The following FAT2 variants were observed in gnomAD, a reference collection of about 807,000 sequenced individuals.
The protein encoded by FAT2 is protocadherin Fat 2.
In FAT2, 150 loss-of-function variants were observed where a neutral mutation model predicts 295.3. The observed-to-expected ratio is 0.51, with a 90% confidence interval of 0.44 to 0.58. The LOEUF is 0.58. FAT2 is among the 20% of genes least tolerant of loss of function. The probability of loss-of-function intolerance (pLI) is 0.00; values close to 1 mark genes in which losing one functional copy is unlikely to be tolerated. For synonymous variants in FAT2, 2,026 were observed against 2,150.3 expected, an observed-to-expected ratio of 0.94 and a Z score of 1.60; for missense variants, 4,868 against 5,442.7, an observed-to-expected ratio of 0.89 and a Z score of 3.32.
Position 151,545,626 on chromosome 5 carries a change from G to T in FAT2, c.5501C>A (p.Pro1834His), listed in dbSNP as rs754464552. ...IVSEMDYESM[P>H]SFQFCVYVHD... is the part of the protein sequence containing the mutation. ...GACATAGACACAGAATTGGAAAGAGGGCATGCTCTCATAATCCATCTCTGA... is the reference window on the plus strand; with the variant it reads ...GACATAGACACAGAATTGGAAAGAGTGCATGCTCTCATAATCCATCTCTGA... The change falls in exon 10 of 24, where the codon CCC becomes CAC. Residue 1834 changes from proline to histidine, a missense_variant. Pro to His is a moderately conservative substitution (Grantham distance 77). Coordinates refer to ENST00000261800, the MANE Select transcript of FAT2 (RefSeq NM_001447.3). 1 of 1,614,028 alleles carries T rather than the reference G, an allele frequency of 6.2e-7. No individual in the cohort carries two copies.
Position 151,546,340 on chromosome 5 carries a change from G to A in FAT2, c.4790-3C>T, listed in dbSNP as rs763667676. 2 of 1,606,746 alleles carry A rather than the reference G, an allele frequency of 1.2e-6. No individual in the cohort carries two copies. The highest frequency in any genetic ancestry group is 1.3e-5 in the African/African-American group (1 of 74,796). On this transcript the variant is annotated splice_polypyrimidine_tract_variant and splice_region_variant and intron_variant, in intron 9 of 23. Coordinates refer to ENST00000261800, the MANE Select transcript of FAT2 (RefSeq NM_001447.3). ...GTTGAAGAAACCTTCGCTGTTCCCT[G>A]AAACAGAAGACAAGACAAACAAGTT...
In FAT2 at chr5:151,521,831, T is replaced by C. The variant is rs749276350; in HGVS notation, c.10762A>G (p.Ile3588Val). 10 of 1,614,142 alleles carry C rather than the reference T, an allele frequency of 6.2e-6. No homozygotes were observed. The highest frequency in any genetic ancestry group is 7.6e-6 in the Non-Finnish European group (9 of 1,180,030). Residue 3588 changes from isoleucine (I) to valine (V), a missense_variant, in exon 19 of 24, where the codon ATC becomes GTC. By Grantham distance (29) the Ile-to-Val change is conservative. Around this residue, in one of 5 missense-constraint regions of FAT2, gnomAD observed 1,046 missense variants for 1,210.1 expected, o/e 0.86. Transcript: ENST00000261800. The stretch of plus-strand genomic sequence containing the variant: ...CCACGAGGCAGGCCCTGGGCGGCGA[T>C]AATCTTGCCATCAGGCGCACCCACT... ...FSVGAPDGKI[I>V]AAQGLPRGHY...
At chr5:151,540,009 G>A (rs556614281) in intron 11 of FAT2, among the ~76,000 whole-genome samples, 2 of 152,364 alleles carry the variant, frequency 1.3e-5, no homozygotes, top group South Asian at 2.1e-4. Flanking sequence ...GTTTGTCTGG[G>A]GTCAGGTCTC....
rs368657216 is a variant in FAT2, at chr5:151,553,311, C to A, written c.4022G>T (p.Arg1341Leu). ...RLHIEWIPWP[R>L]PSSIPLAFDE... is the part of the protein sequence containing the mutation. The stretch of plus-strand genomic sequence containing the variant: ...AAAGGCCAGAGGGATGGAGGACGGC[C>A]GGGGCCAAGGGATCCACTCAATGTG... The change falls in exon 6 of 24, where the codon CGG becomes CTG. Residue 1341 changes from arginine (R) to leucine (L), a missense_variant. Physicochemically the swap from Arg to Leu is moderately radical, Grantham distance 102. Transcript: ENST00000261800. The A allele has an allele frequency of 9.9e-6, 16 of 1,614,126 alleles. No individual in the cohort carries two copies. Among genetic ancestry groups the A allele is most frequent in the African/African-American group, 1.3e-5 (1 of 74,948 alleles).
chr5:151,525,531 T>C (rs547374573), intron 18 of FAT2, among the ~76,000 whole-genome samples: 10 of 152,038 alleles, frequency 6.6e-5, no homozygotes, highest in African/African-American at 2.4e-4. Context: ...AGTATTACTT[T>C]AAGCCAGTCA....
At position 151,510,118 on chromosome 5, in the gene FAT2, CCCTT is replaced by C. The variant is rs1561811895; in HGVS notation, c.11958_11961del (p.Glu3988ThrfsTer46). 6.2e-7 allele frequency: 1 copy of C among 1,614,182 alleles called. No homozygotes were observed. Among genetic ancestry groups the C allele is most frequent in the Non-Finnish European group, 8.5e-7 (1 of 1,180,024 alleles). On this transcript the variant is annotated frameshift_variant, in exon 22 of 24. Coordinates refer to ENST00000261800, the MANE Select transcript of FAT2 (RefSeq NM_001447.3). LOFTEE classifies it high-confidence loss of function. Reference sequence around the variant, plus strand: ...AGGCAGGGTGCAAAAGTACAGTTCTCCCTTCCTTGTTCACAGTGCTTCCCAGAGA... The same window carrying C: ...AGGCAGGGTGCAAAAGTACAGTTCTCCCTTGTTCACAGTGCTTCCCAGAGA...
At position 151,528,096 on chromosome 5, in the gene FAT2, T is replaced by C. The variant is rs1227117639; in HGVS notation, c.10064A>G (p.Asp3355Gly). The C allele has an allele frequency of 1.2e-6, 2 of 1,614,030 alleles. No individual in the cohort carries two copies. The highest frequency in any genetic ancestry group is 1.7e-6 in the Non-Finnish European group (2 of 1,180,028). Residue 3355 changes from aspartate to glycine, a missense_variant, in exon 16 of 24, where the codon GAC (aspartate) becomes GGC (glycine). Coordinates refer to ENST00000261800, the MANE Select transcript of FAT2 (RefSeq NM_001447.3). ...ATDEDGPLNS[D>G]ITYSLIGGNQ... ...CCCTCCTATGAGGCTATAGGTAATG[T>C]CACTATTTAGGGGTCCATCTTCATC...
rs575648708 is a variant in FAT2, at chr5:151,590,950, G to A, written c.-21+215C>T. Among the ~76,000 whole-genome samples, 5 of 152,268 alleles carry A rather than the reference G, an allele frequency of 3.3e-5. No homozygotes were observed. The South Asian group carries it at 6.2e-4, about 19-fold the overall frequency. On this transcript the variant is annotated intron_variant, in intron 1 of 23. Coordinates refer to ENST00000261800, the MANE Select transcript of FAT2 (RefSeq NM_001447.3). ...CATTGCTGGGCCCCGATCCCCAGCC[G>A]CGGACTGGCTACCTCACTGGCTTCT...
At position 151,565,717 on chromosome 5, in the gene FAT2, C is replaced by T. The variant is rs139586444; in HGVS notation, c.3215G>A (p.Arg1072His). The change falls in exon 2 of 24, where the codon CGT becomes CAT. Residue 1072 changes from arginine to histidine, a missense_variant. Physicochemically the swap from Arg to His is conservative, Grantham distance 29. Transcript: ENST00000261800. ...GLDGELQYFL[R>H]AGTGLAAFSI... ...GAAGGCTGCGAGTCCAGTGCCAGCA[C>T]GCAGGAAGTACTGGAGCTCCCCATC... 5.2e-5 allele frequency: 84 copies of T among 1,608,924 alleles called. No individual in the cohort carries two copies. The highest frequency in any genetic ancestry group is 1.3e-4 in the Admixed American group (8 of 59,758).
chr5:151,592,404 C>G (rs1414714290), upstream of FAT2, among the ~76,000 whole-genome samples: 1 of 152,154 alleles, frequency 6.6e-6, no homozygotes, highest in Non-Finnish European at 1.5e-5. Context: ...CTGAAAGCAA[C>G]TCTGCAACCA....
At chr5:151,562,798 A>G (rs1046517606) in intron 3 of FAT2, among the ~76,000 whole-genome samples, 1 of 152,220 alleles carries the variant, frequency 6.6e-6, no homozygotes, top group Non-Finnish European at 1.5e-5. Flanking sequence ...ATTTCTCCCA[A>G]CCATCCACCA....
chr5:151,556,437 G>T, intron 3 of FAT2, 35 bp from the exon 4 acceptor site: 1 of 1,552,432 alleles, frequency 6.4e-7, no homozygotes, highest in Non-Finnish European at 8.8e-7. Context: ...GACATGAGCA[G>T]AAGACTTTCA....
At chr5:151,513,276 A>G (rs1228329310) in intron 20 of FAT2, among the ~76,000 whole-genome samples, 1 of 152,244 alleles carries the variant, frequency 6.6e-6, no homozygotes, top group Non-Finnish European at 1.5e-5. Context: ...TCATAAAAAT[A>G]TATAAAGACA....
At chr5:151,523,831 C>T (rs6879158) in intron 18 of FAT2, among the ~76,000 whole-genome samples, 61,821 of 151,938 alleles carry the variant, frequency 0.41, 13,800 homozygotes, top group East Asian at 0.79. Context: ...AACAGAGCTT[C>T]GGTTTAGCCC....
upstream of FAT2, among the ~76,000 whole-genome samples, chr5:151,591,767 T>G (rs1442581114): frequency 6.6e-6 from 1 of 152,208 alleles, no homozygotes; most frequent in African/African-American, 2.4e-5. Context: ...TTCAGTAAGC[T>G]TGGGTGAGTT....
chr5:151,554,754 T>C lies in FAT2; in HGVS notation c.3634-81A>G, dbSNP rs1002382037. ...TGCTTTAACAACCTGGAAATAGTAG[T>C]CACTTTGTTCTTTGGTATGAGCTTG... On this transcript the variant is annotated intron_variant, in intron 4 of 23. Transcript: ENST00000261800. The C allele has an allele frequency of 5.5e-6, 6 of 1,084,976 alleles. No individual in the cohort carries two copies. In the Middle Eastern group the frequency reaches 6.2e-4, roughly 112 times the overall value. The allele number at this position is 1,084,976 out of a possible 1,614,324, so 67.2% of individuals were successfully genotyped here.
chr5:151,523,695 A>G (rs983565951), intron 18 of FAT2, among the ~76,000 whole-genome samples: 1 of 152,168 alleles, frequency 6.6e-6, no homozygotes, highest in African/African-American at 2.4e-5. Context: ...TCCCTAGGCA[A>G]TCACATCCAT....
intron 3 of FAT2, among the ~76,000 whole-genome samples, chr5:151,558,625 G>A (rs1397360575): frequency 6.6e-6 from 1 of 151,652 alleles, no homozygotes; most frequent in East Asian, 1.9e-4. Context: ...AAAAAAAGCA[G>A]CTTGTCAGGA....
intron 22 of FAT2, among the ~76,000 whole-genome samples, chr5:151,508,048 T>C (rs925679026): frequency 1.3e-5 from 2 of 152,184 alleles, no homozygotes; most frequent in Non-Finnish European, 2.9e-5. Flanking sequence ...GGAGCCAACG[T>C]GGTCCTGCAC....
Sources: gnomAD v4.1 joint callset for allele counts (sites outside exome capture counted in the v4.1 genomes callset) on GRCh38, gnomAD v4.1.1 for gene constraint, gnomAD v4.1.1 regional missense constraint, MANE v1.5 for transcripts, NCBI Gene and HGNC (gene_info 2026-07-23, HGNC 2026-07-21) for gene names.